The following EVI5 variants were observed in gnomAD, a reference collection of about 807,000 sequenced individuals.
EVI5 encodes ecotropic viral integration site 5 protein homolog.
Under a neutral mutation model 112.0 loss-of-function variants are expected in EVI5, and 73 were observed. The observed-to-expected ratio is 0.65, with a 90% confidence interval of 0.54 to 0.79. The LOEUF is 0.79. Among genes scored for constraint, EVI5 ranks in the 30% least tolerant of loss-of-function variants. The probability of loss-of-function intolerance (pLI) is 0.00; values close to 1 mark genes in which losing one functional copy is unlikely to be tolerated. For synonymous variants in EVI5, 305 were observed against 319.9 expected (o/e 0.95, Z 0.50); for missense variants, 900 against 968.8 (o/e 0.93, Z 0.94).
intron 9 of EVI5, among the ~76,000 whole-genome samples, chr1:92,678,557 A>C (rs1380040834): frequency 6.6e-6 from 1 of 152,080 alleles, no homozygotes; most frequent in Non-Finnish European, 1.5e-5. Flanking sequence ...TTTTAAAAGA[A>C]AAAAGATGTC....
intron 10 of EVI5, among the ~76,000 whole-genome samples, chr1:92,669,890 T>A (rs1056990619): frequency 6.6e-6 from 1 of 152,088 alleles, no homozygotes; most frequent in African/African-American, 2.4e-5. Flanking sequence ...GAGAGGAAGA[T>A]ACCTAGATAT....
At position 92,610,076 on chromosome 1, in the gene EVI5, G is replaced by T. The variant is rs187920020; in HGVS notation, c.1828-2349C>A. ...AATTTTTTTTATTTTTAGTAGAGAC[G>T]AGGTCCTACTATGTTGCTCAGGCCA... On this transcript the variant is annotated intron_variant, in intron 16 of 19. Transcript: ENST00000684568. Among the ~76,000 whole-genome samples the T allele has an allele frequency of 1.2e-4, 19 of 152,084 alleles. No individual in the cohort carries two copies. In the South Asian group the frequency reaches 3.9e-3, roughly 32 times the overall value.
intron 18 of EVI5, among the ~76,000 whole-genome samples, chr1:92,594,345 G>A (rs2101378846): frequency 6.6e-6 from 1 of 151,782 alleles, no homozygotes; most frequent in African/African-American, 2.4e-5. Context: ...AATGGTGCTG[G>A]GAAAACTGGC....
intron 19 of EVI5, among the ~76,000 whole-genome samples, chr1:92,515,776 C>T (rs1441862646): frequency 6.6e-6 from 1 of 152,158 alleles, no homozygotes; most frequent in Non-Finnish European, 1.5e-5. Context: ...ACCATAATAC[C>T]TCCCAGCTTT....
Position 92,636,337 on chromosome 1 carries a change from C to A in EVI5, c.1393-1G>T. ...CGTTGTAGTTGGAACTGCATTTATG[C>A]TAAAGGTTACAGACATACACTGAAA... On this transcript the variant is annotated splice_acceptor_variant, in intron 13 of 19. Coordinates refer to ENST00000684568, the MANE Select transcript of EVI5 (RefSeq NM_001350197.2). LOFTEE classifies it high-confidence loss of function. The A allele has an allele frequency of 4.3e-6, 7 of 1,612,614 alleles. No homozygotes were observed. The highest frequency in any genetic ancestry group is 5.9e-6 in the Non-Finnish European group (7 of 1,179,004).
At chr1:92,626,169 A>G (rs529796924) in intron 14 of EVI5, among the ~76,000 whole-genome samples, 18 of 152,288 alleles carry the variant, frequency 1.2e-4, no homozygotes, top group Admixed American at 7.2e-4. Context: ...TATTTTTATC[A>G]TGCAAAAAAG....
chr1:92,552,437 C>G (rs549130832), intron 19 of EVI5, among the ~76,000 whole-genome samples: 5 of 152,292 alleles, frequency 3.3e-5, no homozygotes, highest in Non-Finnish European at 5.9e-5. Context: ...ACCACATAGT[C>G]TTTATCAAAT....
chr1:92,765,154 A>G (rs1002998717), intron 1 of EVI5, among the ~76,000 whole-genome samples: 4 of 151,574 alleles, frequency 2.6e-5, no homozygotes, highest in Non-Finnish European at 4.4e-5. Context: ...CAATTCTGCT[A>G]CCAGACATTC....
At chr1:92,609,763 T>C (rs962967979) in intron 16 of EVI5, among the ~76,000 whole-genome samples, 5 of 152,188 alleles carry the variant, frequency 3.3e-5, no homozygotes, top group African/African-American at 1.2e-4. Flanking sequence ...AAAATGTAGA[T>C]CATCTAATAG....
intron 1 of EVI5, among the ~76,000 whole-genome samples, chr1:92,736,927 G>A (rs1006478561): frequency 5.3e-5 from 8 of 152,154 alleles, no homozygotes; most frequent in Non-Finnish European, 1.0e-4. Context: ...TTAAAGATAT[G>A]CTGTCTAATG....
intron 13 of EVI5, among the ~76,000 whole-genome samples, chr1:92,643,316 A>C (rs1461502122): frequency 7.4e-6 from 1 of 135,840 alleles, no homozygotes; most frequent in Non-Finnish European, 1.6e-5. Flanking sequence ...TTTTTTTTTA[A>C]AGAGATAGGG....
chr1:92,745,490 T>C (rs1186390783), intron 1 of EVI5, among the ~76,000 whole-genome samples: 2 of 152,210 alleles, frequency 1.3e-5, no homozygotes, highest in Non-Finnish European at 2.9e-5. Context: ...TATAAACCAT[T>C]AGATGTACTA....
chr1:92,528,695 A>G, intron 19 of EVI5, among the ~76,000 whole-genome samples: 1 of 152,236 alleles, frequency 6.6e-6, no homozygotes, highest in East Asian at 1.9e-4. Flanking sequence ...AAAACCCCAA[A>G]TAACTCATTC....
At position 92,674,618 on chromosome 1, in the gene EVI5, T is replaced by C. The variant is rs373482263; in HGVS notation, c.1158+2540A>G. ...GGTTAATGGGTGCAGCAAACCACCA[T>C]GGCACGTGTATACCTATGTAACAAA... On this transcript the variant is annotated intron_variant, in intron 10 of 19. Coordinates refer to ENST00000684568, the MANE Select transcript of EVI5 (RefSeq NM_001350197.2). Among the ~76,000 whole-genome samples the C allele has an allele frequency of 2.6e-4, 39 of 151,514 alleles. No individual in the cohort carries two copies. The South Asian group carries it at 7.7e-3, about 30-fold the overall frequency.
At chr1:92,675,955 CAA>C (rs370294019) in intron 10 of EVI5, among the ~76,000 whole-genome samples, 10 of 56,664 alleles carry the variant, frequency 1.8e-4, no homozygotes, top group Admixed American at 3.8e-4. Context: ...GACTTCGTCT[CAA>C]AAAAAAAAAA....
At chr1:92,563,789 A>C (rs1668993444) in intron 18 of EVI5, 52 bp from the exon 19 acceptor site, 4 of 1,043,460 alleles carry the variant, frequency 3.8e-6, no homozygotes, top group African/African-American at 1.6e-5. Flanking sequence ...TTTTCACAGC[A>C]TGTACTCAAA....
intron 17 of EVI5, among the ~76,000 whole-genome samples, chr1:92,606,097 G>C (rs957013150): frequency 6.6e-6 from 1 of 152,158 alleles, no homozygotes; most frequent in African/African-American, 2.4e-5. Flanking sequence ...GGAGATATCA[G>C]AGTTTGCATC....
At chr1:92,705,056 G>C (rs1434826291) in intron 2 of EVI5, among the ~76,000 whole-genome samples, 1 of 152,060 alleles carries the variant, frequency 6.6e-6, no homozygotes, top group Admixed American at 6.5e-5. Flanking sequence ...AAAAGTATTT[G>C]GGTAGGCTTC....
intron 2 of EVI5, among the ~76,000 whole-genome samples, chr1:92,735,354 T>C (rs1200071718): frequency 6.6e-6 from 1 of 152,054 alleles, no homozygotes; most frequent in Non-Finnish European, 1.5e-5. Context: ...CAAACTACAG[T>C]GGCTGCCTGG....
Sources: allele counts gnomAD v4.1 joint callset (sites outside exome capture counted in the v4.1 genomes callset), GRCh38; gene constraint gnomAD v4.1.1; transcripts MANE v1.5; gene names NCBI Gene and HGNC (gene_info 2026-07-23, HGNC 2026-07-21).